The following PRKD3 variants were observed in gnomAD, a reference collection of about 807,000 sequenced individuals.
The protein encoded by PRKD3 is serine/threonine-protein kinase D3.
In PRKD3, 47 loss-of-function variants were observed where a neutral mutation model predicts 99.2. That is an observed-to-expected ratio of 0.47 (90% CI 0.38 to 0.60). The LOEUF (loss-of-function observed/expected upper bound fraction) is 0.60, where lower values mean the gene tolerates loss of function less well. PRKD3 is among the 20% of genes least tolerant of loss of function. The pLI is 0.00. For synonymous variants in PRKD3, 392 were observed against 355.4 expected, an observed-to-expected ratio of 1.10 and a Z score of -1.16; for missense variants, 1,019 against 1,088.4, an observed-to-expected ratio of 0.94 and a Z score of 0.90.
chr2:37,252,782 T>C lies in PRKD3; in HGVS notation c.*395A>G, dbSNP rs1667596891. The C allele has an allele frequency of 6.6e-6, 1 of 151,310 alleles. No homozygotes were observed. The highest frequency in any genetic ancestry group is 2.4e-5 in the African/African-American group (1 of 41,280). The allele number at this position is 151,310 out of a possible 1,614,324, so 9.4% of individuals were successfully genotyped here. ...AGTCTTGTATAATTTAGCCAAGCTA[T>C]ATAGTAACTGGATGCTAGCTTGACT... On this transcript the variant is annotated 3_prime_UTR_variant, in exon 19 of 19. Transcript: ENST00000234179.
chr2:37,257,666 C>CA lies in PRKD3; in HGVS notation c.2146-738dup, dbSNP rs1491483662. Among the ~76,000 whole-genome samples, 180 of 62,334 alleles carry CA rather than the reference C, an allele frequency of 2.9e-3. 10 individuals are homozygous for CA. The highest frequency in any genetic ancestry group is 4.0e-3 in the East Asian group (5 of 1,246). The allele number at this position is 62,334 out of a possible 152,430, so 40.9% of individuals were successfully genotyped here. On this transcript the variant is annotated intron_variant, in intron 16 of 18. Coordinates refer to ENST00000234179, the MANE Select transcript of PRKD3 (RefSeq NM_005813.6). The stretch of plus-strand genomic sequence containing the variant: ...GGGCGACAGAGTGAAGACTCTGTCT[C>CA]AAAAGAAAAAAAAAAAAAAAAAAAA...
At chr2:37,268,262 G>T (rs1010976497) in intron 13 of PRKD3, 1 of 468,012 alleles carries the variant, frequency 2.1e-6, no homozygotes, top group Non-Finnish European at 4.4e-6. Flanking sequence ...TGAAAAGACT[G>T]AACAAATGTG....
chr2:37,295,165 G>T (rs561114956), intron 2 of PRKD3, among the ~76,000 whole-genome samples: 4 of 152,096 alleles, frequency 2.6e-5, no homozygotes, highest in Non-Finnish European at 5.9e-5. Context: ...TCCGGTAAGT[G>T]CAAGATACTG....
chr2:37,264,172 G>C (rs570254627), intron 14 of PRKD3, among the ~76,000 whole-genome samples: 11 of 152,224 alleles, frequency 7.2e-5, no homozygotes, highest in African/African-American at 2.6e-4. Context: ...AGTTTATGTA[G>C]GCATGGCTCT....
At chr2:37,289,312 G>A (rs775191847) in intron 5 of PRKD3, 44 bp downstream of exon 5, 30 of 1,592,544 alleles carry the variant, frequency 1.9e-5, no homozygotes, top group Non-Finnish European at 2.5e-5. Flanking sequence ...TAGAAACACA[G>A]AGAATAACTA....
intron 14 of PRKD3, among the ~76,000 whole-genome samples, chr2:37,261,865 T>A (rs1019579985): frequency 1.3e-5 from 2 of 152,242 alleles, no homozygotes; most frequent in African/African-American, 2.4e-5. Context: ...AAAAGTGGTA[T>A]GCATTCATTC....
chr2:37,266,847 C>T (rs961655478), intron 14 of PRKD3, among the ~76,000 whole-genome samples: 2 of 152,124 alleles, frequency 1.3e-5, no homozygotes, highest in African/African-American at 4.8e-5. Context: ...ATATAACGTA[C>T]ATTTGCATAT....
At chr2:37,301,479 C>A (rs969134106) in intron 2 of PRKD3, among the ~76,000 whole-genome samples, 1 of 151,240 alleles carries the variant, frequency 6.6e-6, no homozygotes. Flanking sequence ...CCCTCTGTTG[C>A]CCACAATGTA....
chr2:37,292,812 A>ATT (rs996078228), intron 3 of PRKD3, among the ~76,000 whole-genome samples: 1 of 145,636 alleles, frequency 6.9e-6, no homozygotes, highest in South Asian at 2.2e-4. Flanking sequence ...TGCCTGGCTA[A>ATT]TTTTTTTTTT....
In PRKD3 at chr2:37,252,152, C is replaced by T. The variant is rs1370117950; in HGVS notation, c.*1025G>A. 6.6e-6 allele frequency: 1 copy of T among 152,112 alleles called. No homozygotes were observed. The highest frequency in any genetic ancestry group is 2.4e-5 in the African/African-American group (1 of 41,418). 9.4% of individuals were successfully genotyped at this position (152,112 alleles called of 1,614,324 possible). A position where few individuals can be genotyped will look rare whatever the true frequency, so the allele number is the denominator to read the frequency against. ...TAAAATAATTGACTTTAAAACACTC[C>T]AGATATCTGCAAAGCCCAATAGGCT... On this transcript the variant is annotated 3_prime_UTR_variant, in exon 19 of 19. Transcript: ENST00000234179.
chr2:37,307,520 A>G (rs1671217272), intron 2 of PRKD3, among the ~76,000 whole-genome samples: 1 of 152,196 alleles, frequency 6.6e-6, no homozygotes, highest in Non-Finnish European at 1.5e-5. Flanking sequence ...AGCTCTAATA[A>G]CTATAAATCA....
At chr2:37,267,563 A>C in intron 13 of PRKD3, 27 bp from the exon 14 acceptor site, 1 of 1,503,428 alleles carries the variant, frequency 6.7e-7, no homozygotes, top group Non-Finnish European at 9.2e-7. Context: ...AAGAGGAACG[A>C]ATGAAGCAAA....
chr2:37,324,695 C>G lies in PRKD3; in HGVS notation c.-670G>C, dbSNP rs1672047531. On this transcript the variant is annotated 5_prime_UTR_variant, in exon 1 of 19. Coordinates refer to ENST00000234179, the MANE Select transcript of PRKD3 (RefSeq NM_005813.6). ...CGACTACTTACAGTGGCAGGCTCGG[C>G]CCGTCGTGAGAAACTGCGCCCGCCA... 1 of 150,724 alleles carries G rather than the reference C, an allele frequency of 6.6e-6. No homozygotes were observed. The highest frequency in any genetic ancestry group is 2.4e-5 in the African/African-American group (1 of 41,330). The allele number at this position is 150,724 out of a possible 1,614,324, so 9.3% of individuals were successfully genotyped here.
chr2:37,303,021 G>A (rs575435998), intron 2 of PRKD3, among the ~76,000 whole-genome samples: 3 of 152,158 alleles, frequency 2.0e-5, no homozygotes, highest in Admixed American at 6.5e-5. Context: ...ACCTACGGCC[G>A]GCCCCACGGC....
chr2:37,270,351 G>GAAAA (rs11346799), intron 12 of PRKD3, among the ~76,000 whole-genome samples: 2 of 140,838 alleles, frequency 1.4e-5, no homozygotes, highest in Non-Finnish European at 1.5e-5. Context: ...TTGATTTTTG[G>GAAAA]AAAAAAAAAA....
chr2:37,319,980 A>G (rs1050023743), intron 1 of PRKD3, among the ~76,000 whole-genome samples: 5 of 152,224 alleles, frequency 3.3e-5, no homozygotes, highest in African/African-American at 1.2e-4. Flanking sequence ...GGTACAAACT[A>G]TCTGTAACAA....
chr2:37,277,912 A>G lies in PRKD3; in HGVS notation c.1250T>C (p.Met417Thr), dbSNP rs757318856. The part of the protein sequence containing the change: ...IKHTKRKSST[M>T]VKEGWMVHYT... ...ATGGACCATCCACCCTTCCTTCACC[A>G]TTGTGCTGCTCTTCCTCTTTGTGTG... The change falls in exon 9 of 19, where the codon ATG (methionine) becomes ACG (threonine). Residue 417 changes from methionine to threonine, a missense_variant. Met to Thr is a moderately conservative substitution (Grantham distance 81). Around this residue, in one of 3 missense-constraint regions of PRKD3, gnomAD observed 710 missense variants for 692.7 expected, o/e 1.02. Coordinates refer to ENST00000234179, the MANE Select transcript of PRKD3 (RefSeq NM_005813.6). The G allele has an allele frequency of 4.3e-6, 7 of 1,613,622 alleles. No individual in the cohort carries two copies. In the Admixed American group the frequency reaches 1.2e-4, roughly 27 times the overall value.
intron 14 of PRKD3, among the ~76,000 whole-genome samples, chr2:37,266,340 G>A (rs1247387361): frequency 6.6e-6 from 1 of 152,152 alleles, no homozygotes; most frequent in Non-Finnish European, 1.5e-5. Context: ...TTTTGTTGTT[G>A]TTGAGACGGA....
rs1449361558 is a variant in PRKD3, at chr2:37,301,716, G to T, written c.289-8445C>A. Among the ~76,000 whole-genome samples, 5 of 152,176 alleles carry T rather than the reference G, an allele frequency of 3.3e-5. 1 individual carries two copies. The highest frequency in any genetic ancestry group is 4.1e-4 in the South Asian group (2 of 4,834). ...AATACAATTCTTGCCCAGTAAAATG[G>T]TGTATATATATCCCTTCTAAACATT... On this transcript the variant is annotated intron_variant, in intron 2 of 18. Coordinates refer to ENST00000234179, the MANE Select transcript of PRKD3 (RefSeq NM_005813.6).
Sources: allele counts gnomAD v4.1 joint callset (sites outside exome capture counted in the v4.1 genomes callset), GRCh38; gene constraint gnomAD v4.1.1; regional missense constraint gnomAD v4.1.1; transcripts MANE v1.5; gene names NCBI Gene and HGNC (gene_info 2026-07-23, HGNC 2026-07-21).